VRK2: variants seen among roughly 807,000 people sequenced by gnomAD.
VRK2 encodes serine/threonine-protein kinase VRK2.
A neutral mutation model predicts 57.6 loss-of-function variants in VRK2; 60 were observed. That is an observed-to-expected ratio of 1.04 (90% CI 0.85 to 1.29). VRK2 has a LOEUF of 1.29. Among genes scored for constraint, VRK2 ranks in the 50% most tolerant of loss-of-function variants. The pLI is 0.00. For synonymous variants in VRK2, 231 were observed against 199.2 expected (o/e 1.16, Z -1.35); for missense variants, 705 against 588.1 (o/e 1.20, Z -2.06).
chr2:58,097,226 C>T (rs1369269051), intron 7 of VRK2, among the ~76,000 whole-genome samples: 1 of 151,970 alleles, frequency 6.6e-6, no homozygotes, highest in Non-Finnish European at 1.5e-5. Flanking sequence ...TTTTTGTCCA[C>T]CTAAGCTGTT....
intron 8 of VRK2, among the ~76,000 whole-genome samples, chr2:58,123,836 C>T (rs1677891107): frequency 6.7e-6 from 1 of 150,278 alleles, no homozygotes; most frequent in Non-Finnish European, 1.5e-5. Context: ...ACCTGGGCGA[C>T]AGAGCAAGAC....
chr2:58,094,324 G>A (rs958761733), intron 7 of VRK2, among the ~76,000 whole-genome samples: 6 of 152,080 alleles, frequency 3.9e-5, no homozygotes, highest in African/African-American at 7.2e-5. Flanking sequence ...ATTTGTTTGT[G>A]TCCTCTTTTA....
At chr2:57,924,314 G>A (rs1670462009) in intron 1 of VRK2, among the ~76,000 whole-genome samples, 2 of 151,998 alleles carry the variant, frequency 1.3e-5, no homozygotes, top group African/African-American at 4.8e-5. Flanking sequence ...GTTTCCACTA[G>A]AATGGACATT....
chr2:58,136,895 T>C (rs1680165773), intron 10 of VRK2, among the ~76,000 whole-genome samples: 1 of 14,230 alleles, frequency 7.0e-5, no homozygotes, highest in Non-Finnish European at 1.3e-4. Flanking sequence ...TATATATGTG[T>C]ATATATATCA....
At chr2:58,133,822 G>A (rs1240624168) in intron 9 of VRK2, among the ~76,000 whole-genome samples, 2 of 152,192 alleles carry the variant, frequency 1.3e-5, no homozygotes, top group Admixed American at 6.5e-5. Flanking sequence ...GCCCAGTGGA[G>A]AACAATGCAC....
At chr2:57,976,226 T>G (rs1423330481) in intron 1 of VRK2, among the ~76,000 whole-genome samples, 1 of 152,160 alleles carries the variant, frequency 6.6e-6, no homozygotes. Context: ...AACATACAAG[T>G]GCATGTGCCT....
At chr2:58,041,755 T>C (rs1674465589), upstream of VRK2, among the ~76,000 whole-genome samples, 1 of 152,158 alleles carries the variant, frequency 6.6e-6, no homozygotes, top group South Asian at 2.1e-4. Flanking sequence ...TAAAGTCTAT[T>C]CTCTCTGAAG....
chr2:57,944,571 C>T (rs1671199570), intron 1 of VRK2, among the ~76,000 whole-genome samples: 1 of 152,122 alleles, frequency 6.6e-6, no homozygotes, highest in Non-Finnish European at 1.5e-5. Context: ...CCCGTCTCTA[C>T]TAAAAATACA....
At chr2:57,921,322 ACAC>A (rs1670341300) in intron 1 of VRK2, among the ~76,000 whole-genome samples, 2 of 151,776 alleles carry the variant, frequency 1.3e-5, no homozygotes, top group South Asian at 2.1e-4. Context: ...TCACACACAC[ACAC>A]ATTTTTAATC....
At chr2:58,046,511 G>C (rs1674764843), upstream of VRK2, 1 of 985,402 alleles carries the variant, frequency 1.0e-6, no homozygotes, top group Non-Finnish European at 1.2e-6. Flanking sequence ...TGCATGTCGT[G>C]CTTATTTCGT....
chr2:58,121,484 G>A (rs1414935834), intron 7 of VRK2, among the ~76,000 whole-genome samples: 1 of 152,140 alleles, frequency 6.6e-6, no homozygotes, highest in African/African-American at 2.4e-5. Context: ...AGGGCAGAGA[G>A]ATCAATTACT....
intron 7 of VRK2, among the ~76,000 whole-genome samples, chr2:58,112,949 G>A (rs1437331604): frequency 6.6e-6 from 1 of 152,136 alleles, no homozygotes; most frequent in East Asian, 1.9e-4. Context: ...ATGACTTTTA[G>A]TCTTTTCTTT....
chr2:57,921,286 G>GCACACACAAACACACACA (rs1553360324), intron 1 of VRK2, among the ~76,000 whole-genome samples: 15 of 148,144 alleles, frequency 1.0e-4, no homozygotes, highest in African/African-American at 3.5e-4. Flanking sequence ...TCTTAAGCGC[G>GCACACACAAACACACACA]CACACACACA....
intron 1 of VRK2, among the ~76,000 whole-genome samples, chr2:57,982,296 C>T (rs1672444772): frequency 6.6e-6 from 1 of 152,204 alleles, no homozygotes; most frequent in Admixed American, 6.5e-5. Flanking sequence ...GGCAACAACA[C>T]TCTAATGGGG....
chr2:57,948,567 A>G (rs181998448), intron 1 of VRK2, among the ~76,000 whole-genome samples: 54 of 152,254 alleles, frequency 3.5e-4, no homozygotes, highest in Non-Finnish European at 6.6e-4. Context: ...TGCCTCTCCA[A>G]TGAATAAAAT....
At chr2:58,133,216 C>T (rs1679471960) in intron 9 of VRK2, among the ~76,000 whole-genome samples, 1 of 145,984 alleles carries the variant, frequency 6.9e-6, no homozygotes, top group South Asian at 2.1e-4. Flanking sequence ...ATGAATATAC[C>T]TGCTTATGCA....
intron 11 of VRK2, among the ~76,000 whole-genome samples, chr2:58,145,707 G>A (rs1473850626): frequency 6.6e-6 from 1 of 151,948 alleles, no homozygotes; most frequent in Non-Finnish European, 1.5e-5. Context: ...TATGTGCCAT[G>A]TTGGTGTGCT....
intron 7 of VRK2, among the ~76,000 whole-genome samples, chr2:58,102,735 A>G (rs1674173467): frequency 1.3e-5 from 2 of 151,550 alleles, no homozygotes; most frequent in Admixed American, 1.3e-4. Flanking sequence ...TTAATTGAAC[A>G]TTAGATCAAA....
At chr2:57,947,777 C>G (rs949822273) in intron 1 of VRK2, among the ~76,000 whole-genome samples, 2 of 152,146 alleles carry the variant, frequency 1.3e-5, no homozygotes, top group African/African-American at 2.4e-5. Context: ...AAACTTTTCA[C>G]TGGCATTGAG....
Sources: gnomAD v4.1 joint callset for allele counts (sites outside exome capture counted in the v4.1 genomes callset) on GRCh38, gnomAD v4.1.1 for gene constraint, MANE v1.5 for transcripts, NCBI Gene and HGNC (gene_info 2026-07-23, HGNC 2026-07-21) for gene names.